HYDIN: variants seen among roughly 807,000 people sequenced by gnomAD.
HYDIN encodes axonemal central pair apparatus protein HYDIN.
Under a neutral mutation model 403.9 loss-of-function variants are expected in HYDIN, and 132 were observed. The ratio of observed to expected loss-of-function variants is 0.33; its 90% CI spans 0.28 to 0.38. The LOEUF is 0.38. Ranked by LOEUF, HYDIN falls within the 10% of genes least tolerant of loss-of-function variation. The pLI is 1.00. For missense variants in HYDIN, 2,827 were observed against 5,009.5 expected (o/e 0.56, Z 13.15); for synonymous variants, 1,202 against 1,891.7 (o/e 0.64, Z 9.46).
chr16:70,840,757 G>C (rs1166895577), intron 75 of HYDIN, among the ~76,000 whole-genome samples: 1 of 151,994 alleles, frequency 6.6e-6, no homozygotes, highest in Admixed American at 6.6e-5. Context: ...TGCAGACATA[G>C]GATGTCAGGT....
chr16:71,031,567 G>A (rs2144158767), intron 19 of HYDIN, 112 bp downstream of exon 19: 2 of 1,331,604 alleles, frequency 1.5e-6, no homozygotes, highest in East Asian at 5.1e-5. Flanking sequence ...AAAGGAGAGG[G>A]ACTGAGGTGG....
intron 19 of HYDIN, among the ~76,000 whole-genome samples, chr16:71,029,195 C>A (rs897055341): frequency 6.6e-6 from 1 of 151,634 alleles, no homozygotes; most frequent in Non-Finnish European, 1.5e-5. Context: ...TCTGTAACAG[C>A]TACTCAACTT....
rs1033764204 is a variant in HYDIN, at chr16:70,938,766, A to C, written c.6854-11T>G. ...CCTTGTGCTTGCGTTCTGTGAGGGG[A>C]ACAGAGACGGGAAGGTGAGGAAAAG... On this transcript the variant is annotated splice_polypyrimidine_tract_variant and intron_variant, in intron 43 of 85. Coordinates refer to ENST00000393567, the MANE Select transcript of HYDIN (RefSeq NM_001270974.2). 1.9e-6 allele frequency: 3 copies of C among 1,613,608 alleles called. No individual in the cohort carries two copies. Among genetic ancestry groups the C allele is most frequent in the Admixed American group, 1.7e-5 (1 of 59,990 alleles).
intron 10 of HYDIN, among the ~76,000 whole-genome samples, chr16:71,096,296 T>C (rs963704333): frequency 3.3e-5 from 5 of 151,978 alleles, no homozygotes; most frequent in African/African-American, 1.2e-4. Flanking sequence ...TATTTATTTA[T>C]TTTTGTCTTT....
intron 53 of HYDIN, among the ~76,000 whole-genome samples, chr16:70,896,538 T>C (rs1214252498): frequency 6.6e-6 from 1 of 151,858 alleles, no homozygotes; most frequent in Non-Finnish European, 1.5e-5. Context: ...TTGTTTTTTA[T>C]AGAGATGGGG....
At chr16:71,226,482 A>ATT (rs1157458211) in intron 1 of HYDIN, among the ~76,000 whole-genome samples, 3 of 152,260 alleles carry the variant, frequency 2.0e-5, no homozygotes, top group Non-Finnish European at 4.4e-5. Context: ...TGAAAGTCTG[A>ATT]GAAAGAAACA....
chr16:70,811,857 T>C (rs1368520490), intron 84 of HYDIN, among the ~76,000 whole-genome samples: 2 of 136,012 alleles, frequency 1.5e-5, no homozygotes, highest in East Asian at 2.2e-4. Context: ...AACTCCATCT[T>C]GGGAAAAAAA....
At chr16:71,160,573 T>C (rs373939374) in intron 6 of HYDIN, among the ~76,000 whole-genome samples, 1 of 151,852 alleles carries the variant, frequency 6.6e-6, no homozygotes, top group African/African-American at 2.4e-5. Flanking sequence ...GAGTACTCCA[T>C]GGTAGCCTAA....
rs1200229100 is a variant in HYDIN, at chr16:70,896,095, G to A, written c.9049-15C>T. 8 of 1,613,552 alleles carry A rather than the reference G, an allele frequency of 5.0e-6. No individual in the cohort carries two copies. The East Asian group carries it at 1.8e-4, about 36-fold the overall frequency. Reference sequence around the variant, plus strand: ...GCATCTAAAACCTGGCAGGGAAAGGGAAAGTCTTCAGTAAAAGCAAGACCT... The same window carrying A: ...GCATCTAAAACCTGGCAGGGAAAGGAAAAGTCTTCAGTAAAAGCAAGACCT... On this transcript the variant is annotated splice_polypyrimidine_tract_variant and intron_variant, in intron 53 of 85. Transcript: ENST00000393567.
intron 15 of HYDIN, among the ~76,000 whole-genome samples, chr16:71,065,419 G>A (rs2082231795): frequency 6.6e-6 from 1 of 151,928 alleles, no homozygotes; most frequent in Non-Finnish European, 1.5e-5. Flanking sequence ...GAGGGAGGGA[G>A]GGTTGTATGC....
chr16:70,923,693 T>C (rs1597333146), intron 45 of HYDIN, among the ~76,000 whole-genome samples: 1 of 142,220 alleles, frequency 7.0e-6, no homozygotes, highest in African/African-American at 2.6e-5. Context: ...TGGTGGCAGG[T>C]GCCTGTAGTC....
In HYDIN at chr16:70,807,587, G is replaced by A. The variant is rs746938621; in HGVS notation, c.15359C>T (p.Thr5120Ile). The A allele has an allele frequency of 3.1e-6, 5 of 1,609,788 alleles. No homozygotes were observed. The South Asian group carries it at 5.5e-5, about 18-fold the overall frequency. Reference protein sequence around the residue: ...VKWVYYLKGITL With the variant: ...VKWVYYLKGIIL ...AGGTAACCCTGGTTACCACTAAAGGGTGATCCCCTTCAGATAATAAACCCA... is the reference window on the plus strand; with the variant it reads ...AGGTAACCCTGGTTACCACTAAAGGATGATCCCCTTCAGATAATAAACCCA... Residue 5120 changes from threonine to isoleucine, a missense_variant, in exon 86 of 86, where the codon ACC becomes ATC. Transcript: ENST00000393567.
intron 81 of HYDIN, 21 bp downstream of exon 81, chr16:70,829,597 G>A (rs749258628): frequency 6.2e-7 from 1 of 1,601,780 alleles, no homozygotes; most frequent in Non-Finnish European, 8.5e-7. Flanking sequence ...AACCAATGGG[G>A]GTGGGGGGAC....
At chr16:71,226,579 T>C (rs1028179878) in intron 1 of HYDIN, among the ~76,000 whole-genome samples, 2 of 152,176 alleles carry the variant, frequency 1.3e-5, no homozygotes, top group African/African-American at 2.4e-5. Context: ...AAGATTAGAC[T>C]TCATCAAAAC....
At position 70,936,619 on chromosome 16, in the gene HYDIN, C is replaced by T. The variant is rs992124021; in HGVS notation, c.6996-505G>A. On this transcript the variant is annotated intron_variant, in intron 44 of 85. Coordinates refer to ENST00000393567, the MANE Select transcript of HYDIN (RefSeq NM_001270974.2). Reference sequence around the variant, plus strand: ...GGTGTGATCAGCTCACTGCAACCTCCACCTCCTGGGTTCAAGCAATTCTCC... The same window carrying T: ...GGTGTGATCAGCTCACTGCAACCTCTACCTCCTGGGTTCAAGCAATTCTCC... 1.3e-4 allele frequency among the ~76,000 whole-genome samples: 19 copies of T among 151,006 alleles called. 1 individual carries two copies. The highest frequency in any genetic ancestry group is 1.1e-3 in the Admixed American group (17 of 15,102).
chr16:71,156,194 G>A (rs1219913681), intron 6 of HYDIN, among the ~76,000 whole-genome samples: 1 of 152,038 alleles, frequency 6.6e-6, no homozygotes, highest in Non-Finnish European at 1.5e-5. Flanking sequence ...CCATCTGTAC[G>A]ACCTCCAGGA....
At chr16:71,047,574 G>A (rs1434845363) in intron 18 of HYDIN, among the ~76,000 whole-genome samples, 1 of 151,380 alleles carries the variant, frequency 6.6e-6, no homozygotes, top group Non-Finnish European at 1.5e-5. Context: ...GATGGCTCAG[G>A]AAGAACCCAA....
Position 70,855,148 on chromosome 16 carries a change from G to T in HYDIN, c.12423C>A (p.Gly4141=), listed in dbSNP as rs2143596003. 1 of 1,355,258 alleles carries T rather than the reference G, an allele frequency of 7.4e-7. No homozygotes were observed. The highest frequency in any genetic ancestry group is 1.7e-5 in the African/African-American group (1 of 57,280). The allele number at this position is 1,355,258 out of a possible 1,614,324, so 84.0% of individuals were successfully genotyped here. ...TTTACCTGGACAGTGGTGGGATCCA[G>T]CCTTCCATGGGACATACAAGCAGGC... ...SNSLLVCPME[G]WIPPLSRFPI... Residue 4141 remains glycine, a synonymous_variant, in exon 73 of 86, where the codon GGC becomes GGA. Coordinates refer to ENST00000393567, the MANE Select transcript of HYDIN (RefSeq NM_001270974.2).
At chr16:71,014,626 C>T (rs796312620) in intron 23 of HYDIN, among the ~76,000 whole-genome samples, 1 of 142,160 alleles carries the variant, frequency 7.0e-6, no homozygotes, top group African/African-American at 2.8e-5. Flanking sequence ...GGAGAAAGAC[C>T]TCATATTGTT....
Sources: gnomAD v4.1 joint callset for allele counts (sites outside exome capture counted in the v4.1 genomes callset) on GRCh38, gnomAD v4.1.1 for gene constraint, MANE v1.5 for transcripts, NCBI Gene and HGNC (gene_info 2026-07-23, HGNC 2026-07-21) for gene names.